The following FBXL7 variants were observed in gnomAD, a reference collection of about 807,000 sequenced individuals.
FBXL7 encodes the protein F-box/LRR-repeat protein 7.
A neutral mutation model predicts 38.3 loss-of-function variants in FBXL7; 12 were observed. That is an observed-to-expected ratio of 0.31 (90% CI 0.20 to 0.51). The LOEUF is 0.51. Among genes scored for constraint, FBXL7 ranks in the 20% least tolerant of loss-of-function variants. FBXL7 has a pLI of 0.98. For missense variants in FBXL7, 567 were observed against 676.4 expected (o/e 0.84, Z 1.79); for synonymous variants, 297 against 300.9 (o/e 0.99, Z 0.13).
At chr5:15,853,228 A>T (rs1474362042) in intron 2 of FBXL7, among the ~76,000 whole-genome samples, 1 of 152,190 alleles carries the variant, frequency 6.6e-6, no homozygotes, top group African/African-American at 2.4e-5. Flanking sequence ...ACTGAGTGCC[A>T]TAGAGCATGG....
intron 1 of FBXL7, among the ~76,000 whole-genome samples, chr5:15,563,135 A>G (rs1738465127): frequency 6.6e-6 from 1 of 152,108 alleles, no homozygotes; most frequent in South Asian, 2.1e-4. Flanking sequence ...TCTGAGGTGT[A>G]TGTTCCTAGG....
intron 2 of FBXL7, among the ~76,000 whole-genome samples, chr5:15,693,744 C>T (rs889586730): frequency 1.1e-4 from 16 of 152,164 alleles, no homozygotes; most frequent in African/African-American, 3.9e-4. Flanking sequence ...AGTGGTGGAA[C>T]GACGCAGATG....
chr5:15,551,459 G>T (rs1738067469), intron 1 of FBXL7, among the ~76,000 whole-genome samples: 1 of 152,118 alleles, frequency 6.6e-6, no homozygotes, highest in Admixed American at 6.5e-5. Flanking sequence ...TATTATGTGG[G>T]ATATTATCAA....
At chr5:15,932,850 T>C (rs1742078734) in intron 3 of FBXL7, among the ~76,000 whole-genome samples, 2 of 152,238 alleles carry the variant, frequency 1.3e-5, no homozygotes, top group South Asian at 2.1e-4. Flanking sequence ...GTGCCCGGTG[T>C]CTGAATGTTC....
chr5:15,515,510 T>C (rs1304314165), intron 1 of FBXL7, among the ~76,000 whole-genome samples: 1 of 152,204 alleles, frequency 6.6e-6, no homozygotes, highest in East Asian at 1.9e-4. Flanking sequence ...AACAGATACC[T>C]CAATCATTCC....
intron 2 of FBXL7, among the ~76,000 whole-genome samples, chr5:15,623,737 C>T (rs1035432099): frequency 1.3e-5 from 2 of 152,180 alleles, no homozygotes; most frequent in Admixed American, 6.5e-5. Context: ...TTTCAAAACT[C>T]TACAACAATT....
intron 2 of FBXL7, among the ~76,000 whole-genome samples, chr5:15,786,680 G>A (rs557148983): frequency 1.4e-4 from 22 of 152,270 alleles, no homozygotes; most frequent in African/African-American, 4.8e-4. Context: ...TTTTAAACCT[G>A]TGCTCAAAGG....
chr5:15,564,410 G>GTGTA (rs1738505199), intron 1 of FBXL7, among the ~76,000 whole-genome samples: 1 of 148,612 alleles, frequency 6.7e-6, no homozygotes, highest in South Asian at 2.1e-4. Context: ...GTGTGTGTGT[G>GTGTA]TGTGTATGTG....
intron 1 of FBXL7, among the ~76,000 whole-genome samples, chr5:15,603,891 T>A (rs1373501694): frequency 3.3e-5 from 5 of 152,114 alleles, no homozygotes; most frequent in Non-Finnish European, 7.4e-5. Flanking sequence ...AACCCCAGCA[T>A]TTTGGGAGGC....
At chr5:15,613,964 G>T (rs1740351025) in intron 1 of FBXL7, among the ~76,000 whole-genome samples, 1 of 152,064 alleles carries the variant, frequency 6.6e-6, no homozygotes, top group Non-Finnish European at 1.5e-5. Flanking sequence ...GTGGCAGAAG[G>T]GGGCAAGGAA....
intron 2 of FBXL7, among the ~76,000 whole-genome samples, chr5:15,801,708 G>A (rs1462556739): frequency 6.6e-6 from 1 of 151,756 alleles, no homozygotes; most frequent in African/African-American, 2.4e-5. Flanking sequence ...GCACATCAAC[G>A]TGGGACAGGT....
intron 2 of FBXL7, among the ~76,000 whole-genome samples, chr5:15,662,417 G>A (rs570410931): frequency 1.3e-5 from 2 of 152,252 alleles, no homozygotes; most frequent in South Asian, 4.2e-4. Flanking sequence ...TTTGTCAGAT[G>A]CATAGTTTTC....
At chr5:15,661,778 A>G (rs1406332513) in intron 2 of FBXL7, among the ~76,000 whole-genome samples, 1 of 152,200 alleles carries the variant, frequency 6.6e-6, no homozygotes. Context: ...CAGAGCATAC[A>G]GTATTTGGAT....
chr5:15,731,837 C>G (rs1735592487), intron 2 of FBXL7, among the ~76,000 whole-genome samples: 1 of 152,092 alleles, frequency 6.6e-6, no homozygotes, highest in Admixed American at 6.5e-5. Flanking sequence ...CTCTGGATTC[C>G]CTCAAAGCAA....
intron 2 of FBXL7, among the ~76,000 whole-genome samples, chr5:15,702,124 G>A (rs1477592258): frequency 6.6e-6 from 1 of 151,820 alleles, no homozygotes; most frequent in African/African-American, 2.4e-5. Context: ...TGTAATCCCA[G>A]CTACTTGGGA....
chr5:15,542,050 T>C (rs1737768249), intron 1 of FBXL7, among the ~76,000 whole-genome samples: 1 of 152,142 alleles, frequency 6.6e-6, no homozygotes, highest in South Asian at 2.1e-4. Context: ...AAAATCACTG[T>C]CTATCAGTTC....
intron 2 of FBXL7, among the ~76,000 whole-genome samples, chr5:15,752,860 C>T (rs1476455363): frequency 6.6e-6 from 1 of 152,218 alleles, no homozygotes; most frequent in African/African-American, 2.4e-5. Flanking sequence ...TCTTGGCGAA[C>T]TGTAAACTAC....
chr5:15,811,629 T>G (rs1737863100), intron 2 of FBXL7, among the ~76,000 whole-genome samples: 1 of 151,858 alleles, frequency 6.6e-6, no homozygotes, highest in African/African-American at 2.4e-5. Context: ...GTTCCATGCT[T>G]AAACAAATTT....
At chr5:15,836,713 A>T (rs976680045) in intron 2 of FBXL7, among the ~76,000 whole-genome samples, 5 of 152,210 alleles carry the variant, frequency 3.3e-5, no homozygotes, top group African/African-American at 1.2e-4. Context: ...TGTGTGATGC[A>T]GTATGCCCCA....
Sources: gnomAD v4.1 joint callset for allele counts (sites outside exome capture counted in the v4.1 genomes callset) on GRCh38, gnomAD v4.1.1 for gene constraint, MANE v1.5 for transcripts, NCBI Gene and HGNC (gene_info 2026-07-23, HGNC 2026-07-21) for gene names.